The following RGS7 variants were observed in gnomAD, a reference collection of about 807,000 sequenced individuals.
RGS7 encodes the protein regulator of G protein signaling 7.
Under a neutral mutation model 81.1 loss-of-function variants are expected in RGS7, and 27 were observed. That is an observed-to-expected ratio of 0.33 (90% CI 0.25 to 0.46). The LOEUF is 0.46. Among genes scored for constraint, RGS7 ranks in the 20% least tolerant of loss-of-function variants. RGS7 has a pLI of 1.00. For synonymous variants in RGS7, 208 were observed against 207.7 expected (o/e 1.00, Z -0.01); for missense variants, 396 against 607.4 (o/e 0.65, Z 3.66).
intron 3 of RGS7, among the ~76,000 whole-genome samples, chr1:240,994,781 AT>A (rs1342993935): frequency 2.0e-5 from 3 of 151,978 alleles, no homozygotes; most frequent in Non-Finnish European, 2.9e-5. Flanking sequence ...AAGTAAACTT[AT>A]TATTATTACT....
At chr1:240,947,898 C>A (rs1381783644) in intron 4 of RGS7, among the ~76,000 whole-genome samples, 2 of 152,140 alleles carry the variant, frequency 1.3e-5, no homozygotes, top group Non-Finnish European at 2.9e-5. Context: ...TTTACATATC[C>A]TCCTCTAGTT....
intron 2 of RGS7, chr1:241,186,526 T>A (rs56240023): frequency 0.34 from 93,279 of 271,472 alleles, 14,274 homozygotes; most frequent in Admixed American, 0.38. Flanking sequence ...TATATATATT[T>A]TTTTTTTTTT....
intron 3 of RGS7, among the ~76,000 whole-genome samples, chr1:241,087,046 C>G (rs1461305958): frequency 6.6e-6 from 1 of 152,164 alleles, no homozygotes. Context: ...CTTGATTTGT[C>G]CTTCTCCTCC....
intron 3 of RGS7, among the ~76,000 whole-genome samples, chr1:241,026,072 A>C (rs2059766678): frequency 6.6e-6 from 1 of 152,212 alleles, no homozygotes; most frequent in Non-Finnish European, 1.5e-5. Context: ...AGCACTCAAC[A>C]CAATGTGTAT....
intron 2 of RGS7, among the ~76,000 whole-genome samples, chr1:241,206,231 T>A (rs1475814728): frequency 3.6e-5 from 1 of 28,138 alleles, no homozygotes. Flanking sequence ...AAGAATGAAC[T>A]TTTTTTTTTT....
chr1:241,204,444 G>T (rs1023415235), intron 2 of RGS7, among the ~76,000 whole-genome samples: 1 of 152,138 alleles, frequency 6.6e-6, no homozygotes, highest in Non-Finnish European at 1.5e-5. Flanking sequence ...TTTTAGGTGG[G>T]TATTGGACAA....
chr1:240,822,946 G>A (rs1692070288), intron 10 of RGS7: 2 of 464,800 alleles, frequency 4.3e-6, no homozygotes, highest in Non-Finnish European at 8.0e-6. Flanking sequence ...AACAGTGAAC[G>A]AATAAATAAT....
In RGS7 at chr1:240,823,261, C is replaced by T. The variant is rs1033833790; in HGVS notation, c.684+3837G>A. 1.5e-5 allele frequency: 10 copies of T among 659,304 alleles called. No homozygotes were observed. The African/African-American group carries it at 1.6e-4, about 11-fold the overall frequency. 40.8% of individuals were successfully genotyped at this position (659,304 alleles called of 1,614,324 possible). A position where few individuals can be genotyped will look rare whatever the true frequency, so the allele number is the denominator to read the frequency against. On this transcript the variant is annotated intron_variant, in intron 10 of 18. Transcript: ENST00000440928. ...TCCTATGCTCACCACCACCTAAAGG[C>T]CATCTCCACTTCCGACACTGGCCCA...
chr1:241,265,908 C>A (rs2077569123), intron 2 of RGS7, among the ~76,000 whole-genome samples: 1 of 151,640 alleles, frequency 6.6e-6, no homozygotes, highest in Non-Finnish European at 1.5e-5. Flanking sequence ...AATTCTCCTG[C>A]CTCAGCCTCC....
chr1:240,894,703 T>A (rs938761432), intron 6 of RGS7, among the ~76,000 whole-genome samples: 1 of 152,126 alleles, frequency 6.6e-6, no homozygotes, highest in Non-Finnish European at 1.5e-5. Context: ...ATAATTTTAA[T>A]GGTCTAAAAA....
At chr1:241,179,378 G>T (rs2071417157) in intron 2 of RGS7, among the ~76,000 whole-genome samples, 1 of 152,200 alleles carries the variant, frequency 6.6e-6, no homozygotes, top group Non-Finnish European at 1.5e-5. Context: ...GATTCCAGGT[G>T]TGAGCCACCA....
intron 3 of RGS7, among the ~76,000 whole-genome samples, chr1:241,013,065 T>C (rs1280178158): frequency 6.9e-6 from 1 of 145,474 alleles, no homozygotes; most frequent in Non-Finnish European, 1.5e-5. Flanking sequence ...TTTTTTTTTT[T>C]TTTTTTTTTT....
At chr1:240,794,764 G>A (rs1169436298) in intron 18 of RGS7, among the ~76,000 whole-genome samples, 1 of 152,202 alleles carries the variant, frequency 6.6e-6, no homozygotes, top group Non-Finnish European at 1.5e-5. Context: ...ATTCCCAGAC[G>A]TGGCACCTGT....
intron 2 of RGS7, among the ~76,000 whole-genome samples, chr1:241,136,359 T>C (rs544260015): frequency 6.6e-6 from 1 of 152,310 alleles, no homozygotes; most frequent in Admixed American, 6.5e-5. Flanking sequence ...TCTTTGAACA[T>C]TGGTCTTCAC....
At chr1:241,287,342 GGC>G (rs916442958) in intron 2 of RGS7, among the ~76,000 whole-genome samples, 13 of 152,174 alleles carry the variant, frequency 8.5e-5, no homozygotes, top group African/African-American at 2.9e-4. Flanking sequence ...GAATCATGGA[GGC>G]GGGTCTTTCC....
At chr1:240,794,576 T>C (rs1572114495) in intron 18 of RGS7, among the ~76,000 whole-genome samples, 1 of 152,220 alleles carries the variant, frequency 6.6e-6, no homozygotes, top group South Asian at 2.1e-4. Flanking sequence ...CTAATGTGCA[T>C]GTAGGTCCAA....
intron 6 of RGS7, among the ~76,000 whole-genome samples, chr1:240,878,723 T>C (rs937277543): frequency 6.6e-6 from 1 of 150,956 alleles, no homozygotes; most frequent in Non-Finnish European, 1.5e-5. Flanking sequence ...ATTTGGTGTA[T>C]ACACACACAC....
At chr1:240,911,518 T>C (rs1671744898) in intron 6 of RGS7, among the ~76,000 whole-genome samples, 3 of 152,210 alleles carry the variant, frequency 2.0e-5, no homozygotes, top group African/African-American at 7.2e-5. Flanking sequence ...AACTATAACC[T>C]GACTCTAGTG....
chr1:240,989,168 G>A lies in RGS7; in HGVS notation c.176-6039C>T, dbSNP rs548991292. Reference sequence around the variant, plus strand: ...TAAGATACCCAATCAGGCCGGCCACGGTGGCTCACGCTTGTAATCCCAGCA... The same window carrying A: ...TAAGATACCCAATCAGGCCGGCCACAGTGGCTCACGCTTGTAATCCCAGCA... On this transcript the variant is annotated intron_variant, in intron 3 of 18. Coordinates refer to ENST00000440928, the MANE Select transcript of RGS7 (RefSeq NM_001364886.1). Among the ~76,000 whole-genome samples the A allele has an allele frequency of 5.0e-4, 76 of 152,052 alleles. 1 individual carries two copies. The highest frequency in any genetic ancestry group is 1.6e-3 in the African/African-American group (67 of 41,476).
Sources: gnomAD v4.1 joint callset for allele counts (sites outside exome capture counted in the v4.1 genomes callset) on GRCh38, gnomAD v4.1.1 for gene constraint, MANE v1.5 for transcripts, NCBI Gene and HGNC (gene_info 2026-07-23, HGNC 2026-07-21) for gene names.